The following RAD51B variants were observed in gnomAD, a reference collection of about 807,000 sequenced individuals.
RAD51B encodes the protein DNA repair protein RAD51 homolog 2.
Under a neutral mutation model 42.2 loss-of-function variants are expected in RAD51B, and 38 were observed. The ratio of observed to expected loss-of-function variants is 0.90; its 90% CI spans 0.70 to 1.18. The LOEUF is 1.18. Ranked by LOEUF, RAD51B falls within the 50% of genes most tolerant of loss-of-function variation. The pLI is 0.00. For synonymous variants in RAD51B, 154 were observed against 145.2 expected, an observed-to-expected ratio of 1.06 and a Z score of -0.43; for missense variants, 373 against 400.7, an observed-to-expected ratio of 0.93 and a Z score of 0.59.
chr14:68,380,330 G>T (rs2083455410), intron 8 of RAD51B, among the ~76,000 whole-genome samples: 1 of 152,198 alleles, frequency 6.6e-6, no homozygotes, highest in African/African-American at 2.4e-5. Context: ...TATTCACCCA[G>T]CCAAACTGAA....
chr14:68,468,574 G>T, intron 10 of RAD51B: 1 of 377,440 alleles, frequency 2.6e-6, no homozygotes, highest in South Asian at 2.1e-5. Context: ...CATGAAGTGG[G>T]CAATGATTCT....
chr14:68,381,273 C>CT (rs1056322057), intron 8 of RAD51B, among the ~76,000 whole-genome samples: 6 of 152,222 alleles, frequency 3.9e-5, no homozygotes, highest in African/African-American at 1.2e-4. Context: ...CTGGGAAATA[C>CT]TTTTTTACCT....
chr14:68,177,904 A>T (rs138431238), intron 7 of RAD51B, among the ~76,000 whole-genome samples: 1 of 152,146 alleles, frequency 6.6e-6, no homozygotes, highest in Non-Finnish European at 1.5e-5. Flanking sequence ...TCCTACTCAG[A>T]TATCTTTAAC....
chr14:68,314,616 G>A (rs1221961556), intron 8 of RAD51B, among the ~76,000 whole-genome samples: 1 of 152,134 alleles, frequency 6.6e-6, no homozygotes, highest in Non-Finnish European at 1.5e-5. Flanking sequence ...AAACCATGGT[G>A]CCACTTCATT....
chr14:67,903,279 C>T (rs977239899), intron 7 of RAD51B, among the ~76,000 whole-genome samples: 1 of 152,148 alleles, frequency 6.6e-6, no homozygotes, highest in Non-Finnish European at 1.5e-5. Context: ...GAAAAATACT[C>T]TCTCTCAAAA....
chr14:68,069,092 G>C (rs1249723391), intron 7 of RAD51B, among the ~76,000 whole-genome samples: 1 of 151,988 alleles, frequency 6.6e-6, no homozygotes, highest in South Asian at 2.1e-4. Flanking sequence ...ACTCCTTTTT[G>C]TTCGTTTTTA....
intron 4 of RAD51B, among the ~76,000 whole-genome samples, chr14:67,860,305 T>G (rs988744123): frequency 6.6e-6 from 1 of 152,184 alleles, no homozygotes; most frequent in Non-Finnish European, 1.5e-5. Context: ...ATGAAATACA[T>G]GAAGAACTAA....
intron 5 of RAD51B, among the ~76,000 whole-genome samples, chr14:67,869,910 T>C (rs1419072602): frequency 6.6e-6 from 1 of 152,024 alleles, no homozygotes. Context: ...CCACCAGGTC[T>C]GCCCTAAAAG....
intron 9 of RAD51B, among the ~76,000 whole-genome samples, chr14:68,417,666 C>T (rs185717541): frequency 1.3e-5 from 2 of 152,334 alleles, no homozygotes; most frequent in Admixed American, 1.3e-4. Flanking sequence ...TGAGCTGCTA[C>T]TCACAGTGCA....
chr14:67,837,638 GT>G (rs1218017371), intron 4 of RAD51B, among the ~76,000 whole-genome samples: 2 of 151,442 alleles, frequency 1.3e-5, no homozygotes, highest in Admixed American at 6.6e-5. Flanking sequence ...CTCAAACAGA[GT>G]TTTTTTTGCT....
chr14:68,240,027 G>A (rs1001521894), intron 7 of RAD51B, among the ~76,000 whole-genome samples: 1 of 152,240 alleles, frequency 6.6e-6, no homozygotes, highest in African/African-American at 2.4e-5. Context: ...CATCAGAGCT[G>A]AGAGACCTTC....
chr14:68,241,602 A>G (rs977961698), intron 7 of RAD51B, among the ~76,000 whole-genome samples: 2 of 152,178 alleles, frequency 1.3e-5, no homozygotes, highest in African/African-American at 4.8e-5. Context: ...ATTTCGCTTC[A>G]TCATTTTGGC....
At chr14:68,272,980 G>T (rs1343580340) in intron 7 of RAD51B, among the ~76,000 whole-genome samples, 2 of 151,648 alleles carry the variant, frequency 1.3e-5, no homozygotes, top group Non-Finnish European at 2.9e-5. Flanking sequence ...CACTGCGCCT[G>T]GCCCAACACT....
At chr14:68,306,037 A>T (rs562800574) in intron 8 of RAD51B, among the ~76,000 whole-genome samples, 5 of 152,306 alleles carry the variant, frequency 3.3e-5, no homozygotes, top group African/African-American at 1.2e-4. Flanking sequence ...TGTGCTGATC[A>T]TCTTGGTTCC....
intron 9 of RAD51B, among the ~76,000 whole-genome samples, chr14:68,461,490 G>A (rs924169875): frequency 1.3e-5 from 2 of 152,152 alleles, no homozygotes; most frequent in Non-Finnish European, 2.9e-5. Context: ...GAACCAGGTA[G>A]CCTGGGTTGG....
intron 9 of RAD51B, among the ~76,000 whole-genome samples, chr14:68,439,535 A>G (rs1042676994): frequency 6.6e-6 from 1 of 152,180 alleles, no homozygotes; most frequent in African/African-American, 2.4e-5. Flanking sequence ...CCTGGTTGGT[A>G]CATGGTTAAT....
intron 7 of RAD51B, among the ~76,000 whole-genome samples, chr14:68,269,326 G>A (rs1329722838): frequency 2.0e-5 from 3 of 152,216 alleles, no homozygotes; most frequent in Non-Finnish European, 4.4e-5. Flanking sequence ...CTGGGTGCCA[G>A]CCTCCAAGGC....
chr14:67,903,878 G>A (rs2140098057), intron 7 of RAD51B, among the ~76,000 whole-genome samples: 1 of 152,242 alleles, frequency 6.6e-6, no homozygotes, highest in South Asian at 2.1e-4. Flanking sequence ...TACCCAGTAG[G>A]TAGTTTTTCA....
intron 10 of RAD51B, among the ~76,000 whole-genome samples, chr14:68,545,241 C>A (rs1236641017): frequency 5.9e-5 from 9 of 152,242 alleles, no homozygotes; most frequent in Non-Finnish European, 1.0e-4. Flanking sequence ...GACACGGGGA[C>A]AAAGTTGGGC....
Sources: allele counts gnomAD v4.1 joint callset (sites outside exome capture counted in the v4.1 genomes callset), GRCh38; gene constraint gnomAD v4.1.1; transcripts MANE v1.5; gene names NCBI Gene and HGNC (gene_info 2026-07-23, HGNC 2026-07-21).